The following CDH10 variants were observed in gnomAD, a reference collection of about 807,000 sequenced individuals.
The protein encoded by CDH10 is cadherin 10.
Under a neutral mutation model 73.1 loss-of-function variants are expected in CDH10, and 30 were observed. The ratio of observed to expected loss-of-function variants is 0.41; its 90% confidence interval spans 0.31 to 0.56. The LOEUF (loss-of-function observed/expected upper bound fraction) is 0.56. CDH10 is among the 20% of genes least tolerant of loss of function. The pLI is 0.27. For missense variants in CDH10, 815 were observed against 973.7 expected (o/e 0.84, Z 2.17); for synonymous variants, 345 against 348.2 (o/e 0.99, Z 0.10).
intron 2 of CDH10, among the ~76,000 whole-genome samples, chr5:24,579,052 C>A (rs1223554405): frequency 3.3e-5 from 5 of 151,886 alleles, no homozygotes; most frequent in African/African-American, 1.2e-4. Flanking sequence ...TTAAGGTAAT[C>A]ACTCAGGTTA....
intron 5 of CDH10, among the ~76,000 whole-genome samples, chr5:24,531,227 G>A (rs931947654): frequency 6.6e-6 from 1 of 151,982 alleles, no homozygotes; most frequent in Non-Finnish European, 1.5e-5. Flanking sequence ...ACCAAATCCT[G>A]CTTACATTGG....
At chr5:24,553,658 CG>C (rs1744632926) in intron 2 of CDH10, among the ~76,000 whole-genome samples, 1 of 152,050 alleles carries the variant, frequency 6.6e-6, no homozygotes, top group East Asian at 1.9e-4. Flanking sequence ...ATGTTTTCCA[CG>C]GGTGGCTACA....
Position 24,491,630 on chromosome 5 carries a change from C to G in CDH10, c.1822G>C (p.Gly608Arg), listed in dbSNP as rs936122146. 1 of 1,613,720 alleles carries G rather than the reference C, an allele frequency of 6.2e-7. No homozygotes were observed. The highest frequency in any genetic ancestry group is 2.2e-5 in the East Asian group (1 of 44,818). ...CSAEALLLPA[G>R]LSTGALIAIL... ...GCGATCAAGGCCCCAGTGCTGAGGC[C>G]GGCAGGGAGGAGCAGGGCTTCAGCA... The change falls in exon 11 of 12, where the codon GGC (glycine) becomes CGC (arginine). Residue 608 changes from glycine to arginine, a missense_variant. Physicochemically the swap from Gly to Arg is moderately radical, Grantham distance 125. This residue lies in a region of CDH10 where 241 missense variants were observed against 240.3 expected (regional missense o/e 1.00). Coordinates refer to ENST00000264463, the MANE Select transcript of CDH10 (RefSeq NM_006727.5).
Position 24,487,692 on chromosome 5 carries a change from C to T in CDH10, c.2338G>A (p.Gly780Ser), listed in dbSNP as rs539090950. 1 of 1,612,874 alleles carries T rather than the reference C, an allele frequency of 6.2e-7. No individual in the cohort carries two copies. Among genetic ancestry groups the T allele is most frequent in the East Asian group, 2.2e-5 (1 of 44,826 alleles). The change falls in exon 12 of 12, where the codon GGT (glycine) becomes AGT (serine). Residue 780 changes from glycine to serine, a missense_variant. Around this residue, in one of 3 missense-constraint regions of CDH10, gnomAD observed 241 missense variants for 240.3 expected, o/e 1.00. Coordinates refer to ENST00000264463, the MANE Select transcript of CDH10 (RefSeq NM_006727.5). ...GAGTCTTTGTCACTTTCCCCACCAC[C>T]ATACATTTCTGCTAGCTTATTAAAC... ...PRFNKLAEMY[G>S]GGESDKDS
At chr5:24,495,577 C>T (rs751637557) in intron 9 of CDH10, among the ~76,000 whole-genome samples, 3 of 151,864 alleles carry the variant, frequency 2.0e-5, no homozygotes, top group Non-Finnish European at 2.9e-5. Flanking sequence ...GGCCAGGCGC[C>T]GTGGCTCACG....
intron 1 of CDH10, among the ~76,000 whole-genome samples, chr5:24,620,791 T>A (rs1278608242): frequency 6.6e-6 from 1 of 152,156 alleles, no homozygotes; most frequent in Non-Finnish European, 1.5e-5. Context: ...CCAGTCTGTA[T>A]TCATATTAGA....
Position 24,630,916 on chromosome 5 carries a change from C to A in CDH10, c.-124+13678G>T, listed in dbSNP as rs947028335. On this transcript the variant is annotated intron_variant, in intron 1 of 11. Transcript: ENST00000264463. ...AGTGCTTTGTAAGTTTCATTTAATC[C>A]TTTCAGCAAAGTTAGGAGGCAGCAA... Among the ~76,000 whole-genome samples the A allele has an allele frequency of 4.6e-5, 7 of 152,170 alleles. No individual in the cohort carries two copies. In the East Asian group the frequency reaches 1.4e-3, roughly 29 times the overall value.
chr5:24,496,269 T>G (rs535607848), intron 9 of CDH10, among the ~76,000 whole-genome samples: 18 of 152,260 alleles, frequency 1.2e-4, no homozygotes, highest in African/African-American at 4.3e-4. Context: ...TCCATGAAGA[T>G]TAAAATCATT....
intron 2 of CDH10, among the ~76,000 whole-genome samples, chr5:24,546,055 G>A (rs746367903): frequency 1.1e-4 from 17 of 152,182 alleles, no homozygotes; most frequent in Middle Eastern, 3.4e-3. Flanking sequence ...CTACGGTCTC[G>A]AGGGACTATG....
intron 2 of CDH10, among the ~76,000 whole-genome samples, chr5:24,575,763 T>C (rs1745578009): frequency 6.6e-6 from 1 of 152,194 alleles, no homozygotes; most frequent in Non-Finnish European, 1.5e-5. Flanking sequence ...CATGTGCTTT[T>C]ATATTCTTTA....
At chr5:24,526,493 T>A (rs1355619916) in intron 5 of CDH10, among the ~76,000 whole-genome samples, 1 of 151,872 alleles carries the variant, frequency 6.6e-6, no homozygotes. Context: ...GATAGCACTA[T>A]CTTTCTGCAG....
intron 3 of CDH10, among the ~76,000 whole-genome samples, chr5:24,536,443 T>C (rs527829528): frequency 6.6e-6 from 1 of 152,076 alleles, no homozygotes; most frequent in East Asian, 1.9e-4. Flanking sequence ...AAATGTAGAG[T>C]CTGAAAATGT....
At chr5:24,498,848 A>G (rs1238645638) in intron 8 of CDH10, among the ~76,000 whole-genome samples, 1 of 152,184 alleles carries the variant, frequency 6.6e-6, no homozygotes, top group African/African-American at 2.4e-5. Flanking sequence ...AATCCTTGTT[A>G]TACTTCATTA....
chr5:24,634,867 A>C (rs1055079323), intron 1 of CDH10, among the ~76,000 whole-genome samples: 3 of 151,812 alleles, frequency 2.0e-5, no homozygotes, highest in Admixed American at 1.3e-4. Flanking sequence ...TTTTTAAAAT[A>C]AAGCTTTTAA....
intron 1 of CDH10, among the ~76,000 whole-genome samples, chr5:24,627,939 T>C (rs1747567473): frequency 6.6e-6 from 1 of 152,092 alleles, no homozygotes; most frequent in Admixed American, 6.6e-5. Flanking sequence ...ATGAAGTTGA[T>C]ATTGTCCAAG....
At position 24,644,852 on chromosome 5, in the gene CDH10, AAG is replaced by A. The variant is rs1491535593; in HGVS notation, c.-384_-383del. 6 of 150,562 alleles carry A rather than the reference AAG, an allele frequency of 4.0e-5. No individual in the cohort carries two copies. The highest frequency in any genetic ancestry group is 7.4e-5 in the Non-Finnish European group (5 of 67,816). 9.3% of individuals were successfully genotyped at this position (150,562 alleles called of 1,614,324 possible). A position where few individuals can be genotyped will look rare whatever the true frequency, so the allele number is the denominator to read the frequency against. ...GGGAAAGGAAAAAAAAAAAAAAGGAAAGGGGGGAAAAAAGCTCTTCCTCACAC... is the reference window on the plus strand; with the variant it reads ...GGGAAAGGAAAAAAAAAAAAAAGGAAGGGGGAAAAAAGCTCTTCCTCACAC... On this transcript the variant is annotated 5_prime_UTR_variant, in exon 1 of 12. The change abolishes the stop of an existing upstream ORF in the 5' untranslated region. Coordinates refer to ENST00000264463, the MANE Select transcript of CDH10 (RefSeq NM_006727.5).
chr5:24,573,084 C>A (rs1428036555), intron 2 of CDH10, among the ~76,000 whole-genome samples: 1 of 151,084 alleles, frequency 6.6e-6, no homozygotes, highest in African/African-American at 2.4e-5. Flanking sequence ...TTTTATCTAA[C>A]AAGACTCCAA....
intron 2 of CDH10, among the ~76,000 whole-genome samples, chr5:24,558,697 C>A (rs12653166): frequency 0.83 from 125,024 of 151,042 alleles, 51,772 homozygotes; most frequent in East Asian, 0.9. Flanking sequence ...AAAGAGAAAA[C>A]GAAACAGAGA....
chr5:24,581,620 C>G (rs1044921102), intron 2 of CDH10, among the ~76,000 whole-genome samples: 2 of 152,126 alleles, frequency 1.3e-5, no homozygotes, highest in Non-Finnish European at 2.9e-5. Context: ...TGGTGTTCCA[C>G]GCCTGTTATG....
Sources: gnomAD v4.1 joint callset for allele counts (sites outside exome capture counted in the v4.1 genomes callset) on GRCh38, gnomAD v4.1.1 for gene constraint, gnomAD v4.1.1 regional missense constraint, MANE v1.5 for transcripts, NCBI Gene and HGNC (gene_info 2026-07-23, HGNC 2026-07-21) for gene names.